Variants in ATP10A observed in about 807,000 individuals in gnomAD.
ATP10A encodes the protein phospholipid-transporting ATPase VA.
Under a neutral mutation model 147.8 loss-of-function variants are expected in ATP10A, and 111 were observed. That is an observed-to-expected ratio of 0.75 (90% confidence interval 0.64 to 0.88). The LOEUF (loss-of-function observed/expected upper bound fraction) is 0.88. Ranked by LOEUF, ATP10A falls within the 40% of genes least tolerant of loss-of-function variation. The pLI is 0.00. For missense variants in ATP10A, 1,927 were observed against 1,959.0 expected, an observed-to-expected ratio of 0.98 and a Z score of 0.31; for synonymous variants, 875 against 841.6, an observed-to-expected ratio of 1.04 and a Z score of -0.69.
At chr15:25,813,545 G>C (rs959664776) in intron 1 of ATP10A, among the ~76,000 whole-genome samples, 38 of 152,176 alleles carry the variant, frequency 2.5e-4, no homozygotes, top group African/African-American at 6.5e-4. Flanking sequence ...CTACAACAAA[G>C]CATCAATCAA....
At chr15:25,706,607 G>A (rs1901037359) in intron 12 of ATP10A, among the ~76,000 whole-genome samples, 1 of 152,172 alleles carries the variant, frequency 6.6e-6, no homozygotes, top group South Asian at 2.1e-4. Flanking sequence ...ATGGAGAAGG[G>A]GCAGCCTGGG....
chr15:25,751,244 T>A (rs187430775), intron 2 of ATP10A, among the ~76,000 whole-genome samples: 176 of 152,238 alleles, frequency 1.2e-3, no homozygotes, highest in African/African-American at 3.9e-3. Flanking sequence ...AAAATGCCCC[T>A]GACAACAAAG....
downstream of ATP10A, among the ~76,000 whole-genome samples, chr15:25,672,826 T>A (rs780121824): frequency 5.9e-5 from 9 of 152,184 alleles, no homozygotes; most frequent in Middle Eastern, 3.4e-3. Flanking sequence ...GTAGGATATG[T>A]TTGGTGGTTG....
At chr15:25,807,609 C>G (rs886568614) in intron 1 of ATP10A, among the ~76,000 whole-genome samples, 1 of 152,090 alleles carries the variant, frequency 6.6e-6, no homozygotes, top group Non-Finnish European at 1.5e-5. Context: ...TCGAGACCAG[C>G]CTGGCCAACA....
At position 25,716,763 on chromosome 15, in the gene ATP10A, G is replaced by C. The variant is rs139636096; in HGVS notation, c.1743C>G (p.Val581=). Residue 581 remains valine (V), a synonymous_variant, in exon 9 of 21, where the codon GTC becomes GTG. Transcript: ENST00000555815. ...FFIALTICNT[V]VVTSPDQPRT... ...GTGGCTGATCCGGGGACGTGACGAC[G>C]ACTGTGTTGCAGATGGTGAGTGCGA... The C allele has an allele frequency of 1.4e-4, 227 of 1,601,700 alleles. No individual in the cohort carries two copies. In the Middle Eastern group the frequency reaches 2.0e-3, roughly 14 times the overall value.
chr15:25,764,278 C>T (rs528548818), intron 2 of ATP10A, among the ~76,000 whole-genome samples: 24 of 152,208 alleles, frequency 1.6e-4, no homozygotes, highest in Non-Finnish European at 2.5e-4. Context: ...GCGCGGGCTT[C>T]CAGGACTCAG....
At chr15:25,835,870 G>A (rs1163445262) in intron 1 of ATP10A, among the ~76,000 whole-genome samples, 1 of 152,172 alleles carries the variant, frequency 6.6e-6, no homozygotes, top group African/African-American at 2.4e-5. Flanking sequence ...CTAGAGTGCA[G>A]TGGTGCAATC....
At chr15:25,822,624 C>A (rs992960139) in intron 1 of ATP10A, among the ~76,000 whole-genome samples, 2 of 152,180 alleles carry the variant, frequency 1.3e-5, no homozygotes, top group African/African-American at 4.8e-5. Context: ...GGAAACAAAA[C>A]CCTGACCTGT....
At chr15:25,718,075 C>T (rs1372823226) in intron 8 of ATP10A, 107 bp downstream of exon 8, 3 of 1,223,708 alleles carry the variant, frequency 2.5e-6, no homozygotes, top group Non-Finnish European at 3.4e-6. Flanking sequence ...AGCCGCCCAG[C>T]GACAGTGTAT....
intron 2 of ATP10A, among the ~76,000 whole-genome samples, chr15:25,769,337 A>G (rs2140657960): frequency 6.6e-6 from 1 of 151,926 alleles, no homozygotes; most frequent in Non-Finnish European, 1.5e-5. Flanking sequence ...ATACAAAAAA[A>G]TTAGCCGGGG....
intron 2 of ATP10A, among the ~76,000 whole-genome samples, chr15:25,772,792 A>G (rs1889406563): frequency 6.6e-6 from 1 of 152,180 alleles, no homozygotes; most frequent in Admixed American, 6.5e-5. Context: ...CAGCGTGGCC[A>G]GCAATGACAC....
At chr15:25,803,161 G>A (rs941938341) in intron 1 of ATP10A, among the ~76,000 whole-genome samples, 3 of 152,140 alleles carry the variant, frequency 2.0e-5, no homozygotes, top group African/African-American at 4.8e-5. Flanking sequence ...GGAGGGAGAC[G>A]GGTAATAAGC....
chr15:25,704,866 A>G (rs993175982), intron 12 of ATP10A, among the ~76,000 whole-genome samples: 4 of 152,200 alleles, frequency 2.6e-5, no homozygotes, highest in African/African-American at 9.7e-5. Context: ...AAGGCCTGGC[A>G]TTTCTGAGTA....
At chr15:25,731,898 CA>C (rs1886958237) in intron 3 of ATP10A, among the ~76,000 whole-genome samples, 2 of 152,102 alleles carry the variant, frequency 1.3e-5, no homozygotes, top group Non-Finnish European at 2.9e-5. Flanking sequence ...CTCTGTTGTC[CA>C]GGCTGGAGTG....
In ATP10A at chr15:25,708,239, C is replaced by G. The variant is rs767269943; in HGVS notation, c.2406G>C (p.Val802=). 8.1e-6 allele frequency: 13 copies of G among 1,614,100 alleles called. No individual in the cohort carries two copies. The highest frequency in any genetic ancestry group is 1.1e-5 in the Non-Finnish European group (13 of 1,180,042). Residue 802 remains valine, a synonymous_variant, in exon 11 of 21, where the codon GTG becomes GTC. Transcript: ENST00000555815. ...AGGTGCGCAGGCCTTCCGCCGCATACACGTTGAGGTAATTCTGAGTTTTGC... is the reference window on the plus strand; with the variant it reads ...AGGTGCGCAGGCCTTCCGCCGCATAGACGTTGAGGTAATTCTGAGTTTTGC... The part of the protein sequence containing the change: ...IRSKTQNYLN[V]YAAEGLRTLC...
At chr15:25,677,873 G>C (rs571425785), downstream of ATP10A, 4 of 152,516 alleles carry the variant, frequency 2.6e-5, no homozygotes, top group East Asian at 7.8e-4. Flanking sequence ...GAATGGTTCT[G>C]AGGATGTTGT....
chr15:25,760,544 C>T (rs2140626301), intron 2 of ATP10A, among the ~76,000 whole-genome samples: 1 of 152,188 alleles, frequency 6.6e-6, no homozygotes, highest in African/African-American at 2.4e-5. Flanking sequence ...CAGGGCAGTT[C>T]ATGGAAAGAA....
In ATP10A at chr15:25,815,410, A is replaced by C. The variant is rs75204017; in HGVS notation, c.450-34187T>G. Among the ~76,000 whole-genome samples, 1,075 of 128,944 alleles carry C rather than the reference A, an allele frequency of 8.3e-3. 13 individuals are homozygous for C. Among genetic ancestry groups the C allele is most frequent in the African/African-American group, 0.036 (1,002 of 28,104 alleles). 84.6% of individuals were successfully genotyped at this position (128,944 alleles called of 152,430 possible). ...TCTCACTGTGTAAAGGATGAACGGT[A>C]GCTCCCTATCTGCCTCAAGAGTCTA... is the stretch of plus-strand genomic sequence containing the variant. On this transcript the variant is annotated intron_variant, in intron 1 of 20. Transcript: ENST00000555815.
chr15:25,855,543 C>CACACACACAT (rs1555481804), intron 1 of ATP10A, among the ~76,000 whole-genome samples: 2 of 135,310 alleles, frequency 1.5e-5, no homozygotes, highest in African/African-American at 6.8e-5. Flanking sequence ...TTGGTTAAAA[C>CACACACACAT]ACACACACAC....
Sources: gnomAD v4.1 joint callset for allele counts (sites outside exome capture counted in the v4.1 genomes callset) on GRCh38, gnomAD v4.1.1 for gene constraint, MANE v1.5 for transcripts, NCBI Gene and HGNC (gene_info 2026-07-23, HGNC 2026-07-21) for gene names.